Variants in LPCAT1 observed in about 807,000 individuals in gnomAD.
LPCAT1 encodes lysophosphatidylcholine acyltransferase 1, also known as 1-acylglycerol-3-phosphate O-acyltransferase.
A neutral mutation model predicts 60.9 loss-of-function variants in LPCAT1; 23 were observed. That is an observed-to-expected ratio of 0.38 (90% confidence interval 0.27 to 0.53). LPCAT1 has a LOEUF of 0.53. LPCAT1 is among the 20% of genes least tolerant of loss of function. The probability of loss-of-function intolerance (pLI) is 0.82; values close to 1 mark genes in which losing one functional copy is unlikely to be tolerated. For missense variants in LPCAT1, 622 were observed against 723.6 expected (o/e 0.86, Z 1.61); for synonymous variants, 340 against 301.1 (o/e 1.13, Z -1.34).
chr5:1,483,379 T>C lies in LPCAT1; in HGVS notation c.726+49A>G. Reference sequence around the variant, plus strand: ...GCACAGAGGCAGCTCGCAGTTCCCGTTTCCCGGAGAATTCCCCTGGAAGCT... The same window carrying C: ...GCACAGAGGCAGCTCGCAGTTCCCGCTTCCCGGAGAATTCCCCTGGAAGCT... On this transcript the variant is annotated intron_variant, in intron 6 of 13. Coordinates refer to ENST00000283415, the MANE Select transcript of LPCAT1 (RefSeq NM_024830.5). The surrounding 1 kb of genome is among the most constrained non-coding windows in gnomAD (Gnocchi z 9.2). 6.3e-7 allele frequency: 1 copy of C among 1,593,244 alleles called. No homozygotes were observed. The highest frequency in any genetic ancestry group is 1.3e-5 in the African/African-American group (1 of 74,620).
At chr5:1,505,031 T>C (rs1199801232) in intron 1 of LPCAT1, among the ~76,000 whole-genome samples, 144 of 125,986 alleles carry the variant, frequency 1.1e-3, no homozygotes, top group Middle Eastern at 6.2e-3. Flanking sequence ...CCACAGGGTG[T>C]GGAATAAAAT....
chr5:1,463,680 G>T lies in LPCAT1; in HGVS notation c.1576C>A (p.Arg526=). 1 of 1,614,244 alleles carries T rather than the reference G, an allele frequency of 6.2e-7. No homozygotes were observed. Among genetic ancestry groups the T allele is most frequent in the South Asian group, 1.1e-5 (1 of 91,086 alleles). ...TCCAGCTTCTTGCGAACAGGCTTCC[G>T]CCCAGCGTCTGAGTTTTCCGGGCTG... ...DFSPENSDAG[R]KPVRKKLD Residue 526 remains arginine, a synonymous_variant, in exon 14 of 14, where the codon CGG becomes AGG. Transcript: ENST00000283415.
chr5:1,494,845 G>A lies in LPCAT1; in HGVS notation c.348C>T (p.Ala116=), dbSNP rs143907399. 538 of 1,613,414 alleles carry A rather than the reference G, an allele frequency of 3.3e-4. 2 individuals are homozygous for A. In the African/African-American group the frequency reaches 6.6e-3, roughly 20 times the overall value. The change falls in exon 3 of 14, where the codon GCC becomes GCT. Residue 116 remains alanine, a synonymous_variant. Coordinates refer to ENST00000283415, the MANE Select transcript of LPCAT1 (RefSeq NM_024830.5). ...MWFAGGFHRV[A]VKGRQALPTE... is the part of the protein sequence containing the mutation. Reference sequence around the variant, plus strand: ...TGGGCAGCGCCTGCCGCCCCTTCACGGCCACCCGGTGGAAGCCGCCGGCGA... The same window carrying A: ...TGGGCAGCGCCTGCCGCCCCTTCACAGCCACCCGGTGGAAGCCGCCGGCGA...
chr5:1,491,682 GC>G (rs1735589664), intron 3 of LPCAT1, among the ~76,000 whole-genome samples: 1 of 152,164 alleles, frequency 6.6e-6, no homozygotes, highest in Non-Finnish European at 1.5e-5. Context: ...TGGGACTGGC[GC>G]ATTTTGCCAG....
chr5:1,493,084 C>A (rs1043020918), intron 3 of LPCAT1, among the ~76,000 whole-genome samples: 15 of 152,376 alleles, frequency 9.8e-5, no homozygotes, highest in African/African-American at 3.6e-4. Context: ...GTGTGAGAGC[C>A]AAGGCCATCA....
At position 1,466,740 on chromosome 5, in the gene LPCAT1, C is replaced by T; in HGVS notation, c.1420+9G>A. The T allele has an allele frequency of 1.9e-6, 3 of 1,607,726 alleles. No individual in the cohort carries two copies. The highest frequency in any genetic ancestry group is 2.2e-5 in the East Asian group (1 of 44,488). On this transcript the variant is annotated intron_variant, in intron 13 of 13. Transcript: ENST00000283415. ...GGTCGCGAGGACGACCCCACTCCTG[C>T]GGGCTCACCGAATGTGATCTTCCCC...
At chr5:1,509,405 G>A (rs1167219469) in intron 1 of LPCAT1, among the ~76,000 whole-genome samples, 1 of 152,236 alleles carries the variant, frequency 6.6e-6, no homozygotes, top group Non-Finnish European at 1.5e-5. Flanking sequence ...ACGGTGAGAG[G>A]GCGAGCGGCA....
chr5:1,480,301 A>G lies in LPCAT1; in HGVS notation c.762-626T>C. The G allele has an allele frequency of 5.1e-6, 5 of 984,014 alleles. No individual in the cohort carries two copies. Among genetic ancestry groups the G allele is most frequent in the Non-Finnish European group, 6.0e-6 (5 of 829,216 alleles). The allele number at this position is 984,014 out of a possible 1,614,324, so 61.0% of individuals were successfully genotyped here. On this transcript the variant is annotated intron_variant, in intron 7 of 13. Coordinates refer to ENST00000283415, the MANE Select transcript of LPCAT1 (RefSeq NM_024830.5). The surrounding 1 kb of genome is among the most constrained non-coding windows in gnomAD (Gnocchi z 6.4). ...GCCAGCCTGGGAAGCGCTGACCTCA[A>G]CACCTTCACCTGAAAGCACCAGCGG...
chr5:1,521,237 T>C lies in LPCAT1; in HGVS notation c.135+2473A>G. 1.5e-6 allele frequency: 1 copy of C among 676,432 alleles called. No homozygotes were observed. The highest frequency in any genetic ancestry group is 1.8e-6 in the Non-Finnish European group (1 of 548,138). The allele number at this position is 676,432 out of a possible 1,614,324, so 41.9% of individuals were successfully genotyped here. A position where few individuals can be genotyped will look rare whatever the true frequency, so the allele number is the denominator to read the frequency against. On this transcript the variant is annotated intron_variant, in intron 1 of 13. Coordinates refer to ENST00000283415, the MANE Select transcript of LPCAT1 (RefSeq NM_024830.5). This position sits in a 1 kb window ranked among gnomAD's most constrained non-coding sequence, Gnocchi z 4.3. Reference sequence around the variant, plus strand: ...GCTCCTCACTAAATCTGTAGTTAAATGACAGATGGGCTGGCTGGAGGAGGA... The same window carrying C: ...GCTCCTCACTAAATCTGTAGTTAAACGACAGATGGGCTGGCTGGAGGAGGA...
chr5:1,508,408 G>A (rs1189863518), intron 1 of LPCAT1, among the ~76,000 whole-genome samples: 1 of 152,192 alleles, frequency 6.6e-6, no homozygotes, highest in Non-Finnish European at 1.5e-5. Flanking sequence ...AAGGTAAAAT[G>A]AGATCATCTG....
At chr5:1,515,139 G>C (rs559580728) in intron 1 of LPCAT1, among the ~76,000 whole-genome samples, 1 of 147,584 alleles carries the variant, frequency 6.8e-6, no homozygotes, top group African/African-American at 2.6e-5. Flanking sequence ...TTCCTACTCC[G>C]AACTGGCCGC....
At position 1,477,561 on chromosome 5, in the gene LPCAT1, G is replaced by T; in HGVS notation, c.817-75C>A. On this transcript the variant is annotated intron_variant, in intron 8 of 13. Transcript: ENST00000283415. This position sits in a 1 kb window ranked among gnomAD's most constrained non-coding sequence, Gnocchi z 6.0. ...AACACCACTGTAACGACAACTGGGA[G>T]GCTGACAAAATTAAGATCTGTCAAA... 8.9e-7 allele frequency: 1 copy of T among 1,119,334 alleles called. No individual in the cohort carries two copies. The highest frequency in any genetic ancestry group is 1.3e-6 in the Non-Finnish European group (1 of 755,142). The allele number at this position is 1,119,334 out of a possible 1,614,324, so 69.3% of individuals were successfully genotyped here. A position where few individuals can be genotyped will look rare whatever the true frequency, so the allele number is the denominator to read the frequency against.
At chr5:1,520,156 C>A (rs1736627397) in intron 1 of LPCAT1, among the ~76,000 whole-genome samples, 1 of 152,264 alleles carries the variant, frequency 6.6e-6, no homozygotes, top group South Asian at 2.1e-4. Flanking sequence ...ACACAGCCAT[C>A]CACGTGAGGA....
intron 2 of LPCAT1, among the ~76,000 whole-genome samples, chr5:1,499,209 A>G (rs147691130): frequency 2.6e-4 from 39 of 152,360 alleles, no homozygotes; most frequent in Non-Finnish European, 4.6e-4. Flanking sequence ...GAAACGGAAA[A>G]TTGCCCCAAG....
chr5:1,498,959 C>G (rs1485896451), intron 2 of LPCAT1, among the ~76,000 whole-genome samples: 1 of 152,224 alleles, frequency 6.6e-6, no homozygotes, highest in African/African-American at 2.4e-5. Context: ...TGCACACATA[C>G]ACAGAATGAT....
In LPCAT1 at chr5:1,470,826, C is replaced by T. The variant is rs146435333; in HGVS notation, c.1278G>A (p.Lys426=). 7.8e-4 allele frequency: 1,259 copies of T among 1,613,440 alleles called. 5 individuals carry two copies. In the African/African-American group the frequency reaches 0.011, roughly 14 times the overall value. The change falls in exon 12 of 14, where the codon AAG becomes AAA. Residue 426 remains lysine (K), a splice_region_variant and synonymous_variant. Coordinates refer to ENST00000283415, the MANE Select transcript of LPCAT1 (RefSeq NM_024830.5). Reference sequence around the variant, plus strand: ...AAACCCATGTGAACTCTGCACTCACCTTGAAAGCCAGCTGGATGGTGTCCA... The same window carrying T: ...AAACCCATGTGAACTCTGCACTCACTTTGAAAGCCAGCTGGATGGTGTCCA... ...RTLDTIQLAF[K]MYGAQEDGSV... is the part of the protein sequence containing the mutation.
In LPCAT1 at chr5:1,501,154, G is replaced by T. The variant is rs1735987751; in HGVS notation, c.278+307C>A. Reference sequence around the variant, plus strand: ...CAACAGGGAGCCCCAGCAGGTTCTGGAGCAGAGAAGGCTACGGTGTAGGGG... The same window carrying T: ...CAACAGGGAGCCCCAGCAGGTTCTGTAGCAGAGAAGGCTACGGTGTAGGGG... On this transcript the variant is annotated intron_variant, in intron 2 of 13. Transcript: ENST00000283415. 2.0e-5 allele frequency among the ~76,000 whole-genome samples: 3 copies of T among 152,240 alleles called. No individual in the cohort carries two copies. The South Asian group carries it at 6.2e-4, about 31-fold the overall frequency.
chr5:1,470,306 G>A (rs1483276313), intron 12 of LPCAT1, among the ~76,000 whole-genome samples: 1 of 152,244 alleles, frequency 6.6e-6, no homozygotes, highest in Non-Finnish European at 1.5e-5. Flanking sequence ...ACCCCACTCA[G>A]CCCCCAGGGA....
At chr5:1,520,706 A>C (rs907613422) in intron 1 of LPCAT1, among the ~76,000 whole-genome samples, 4 of 151,460 alleles carry the variant, frequency 2.6e-5, no homozygotes, top group Non-Finnish European at 5.9e-5. Flanking sequence ...TAAAAATACA[A>C]AAAAAAATTA....
Sources: allele counts gnomAD v4.1 joint callset (sites outside exome capture counted in the v4.1 genomes callset), GRCh38; gene constraint gnomAD v4.1.1; non-coding constraint Gnocchi (gnomAD v3.1); transcripts MANE v1.5; gene names NCBI Gene and HGNC (gene_info 2026-07-23, HGNC 2026-07-21).